The following FHIT variants were observed in gnomAD, a reference collection of about 807,000 sequenced individuals.
The protein encoded by FHIT is bis(5'-adenosyl)-triphosphatase.
FHIT carries 19 observed loss-of-function variants against 17.9 expected under a neutral mutation model. The ratio of observed to expected loss-of-function variants is 1.06; its 90% CI spans 0.74 to 1.56. The LOEUF (loss-of-function observed/expected upper bound fraction) is 1.56, where lower values mean the gene tolerates loss of function less well. FHIT is among the 40% of genes most tolerant of loss of function. The probability of loss-of-function intolerance (pLI) is 0.00; values close to 1 mark genes in which losing one functional copy is unlikely to be tolerated. For missense variants in FHIT, 248 were observed against 189.2 expected (o/e 1.31, Z -1.82); for synonymous variants, 81 against 69.7 (o/e 1.16, Z -0.81).
intron 4 of FHIT, among the ~76,000 whole-genome samples, chr3:60,760,167 T>C (rs1043216416): frequency 6.6e-6 from 1 of 152,174 alleles, no homozygotes; most frequent in Non-Finnish European, 1.5e-5. Flanking sequence ...CTCAGAATTG[T>C]CTAGTAGGGA....
At chr3:59,959,665 G>A (rs1707572343) in intron 7 of FHIT, among the ~76,000 whole-genome samples, 1 of 152,188 alleles carries the variant, frequency 6.6e-6, no homozygotes, top group Non-Finnish European at 1.5e-5. Flanking sequence ...TGGTACTGGG[G>A]CAGAGGTGAG....
intron 5 of FHIT, among the ~76,000 whole-genome samples, chr3:60,077,738 A>AGACG (rs1553677447): frequency 1.6e-5 from 2 of 122,516 alleles, no homozygotes; most frequent in African/African-American, 6.8e-5. Flanking sequence ...ACATATATAG[A>AGACG]GGGGGGGGGG....
At chr3:60,008,539 G>T (rs1027937902) in intron 7 of FHIT, among the ~76,000 whole-genome samples, 3 of 152,066 alleles carry the variant, frequency 2.0e-5, no homozygotes, top group African/African-American at 7.2e-5. Context: ...CTTCATTAAC[G>T]ATAACAACAG....
Position 61,218,728 on chromosome 3 carries a change from G to T in FHIT, c.-212-18063C>A, listed in dbSNP as rs1230455206. ...TTTGGCCTCACCGTAATCATATAGT[G>T]TCTTATGATAGGAACCCATGCTATT... On this transcript the variant is annotated intron_variant, in intron 1 of 9. Transcript: ENST00000492590. Among the ~76,000 whole-genome samples the T allele has an allele frequency of 2.6e-5, 4 of 152,238 alleles. No homozygotes were observed. The South Asian group carries it at 6.2e-4, about 24-fold the overall frequency.
At chr3:59,904,686 G>A (rs1319957337) in intron 8 of FHIT, among the ~76,000 whole-genome samples, 2 of 152,132 alleles carry the variant, frequency 1.3e-5, no homozygotes, top group African/African-American at 4.8e-5. Context: ...TGCCCAAGAA[G>A]AATGAGGATA....
At chr3:60,481,856 C>T (rs144504132) in intron 5 of FHIT, among the ~76,000 whole-genome samples, 3,002 of 152,152 alleles carry the variant, frequency 0.02, 39 homozygotes, top group Non-Finnish European at 0.029. Flanking sequence ...GGGTTAAATG[C>T]GCCAATTAAA....
At chr3:60,089,737 T>C (rs780896983) in intron 5 of FHIT, among the ~76,000 whole-genome samples, 25 of 152,324 alleles carry the variant, frequency 1.6e-4, no homozygotes, top group Admixed American at 7.8e-4. Context: ...TCCTAGCATC[T>C]TGTTTCTGAT....
chr3:60,497,709 C>T (rs2034356840), intron 5 of FHIT, among the ~76,000 whole-genome samples: 1 of 152,144 alleles, frequency 6.6e-6, no homozygotes, highest in Non-Finnish European at 1.5e-5. Flanking sequence ...AAAGCTAATT[C>T]CGTCCTTTCC....
chr3:60,940,994 T>C (rs1708385906), intron 3 of FHIT, among the ~76,000 whole-genome samples: 1 of 152,154 alleles, frequency 6.6e-6, no homozygotes, highest in Non-Finnish European at 1.5e-5. Flanking sequence ...ACATTAAAAA[T>C]GTAAAAAGAA....
intron 7 of FHIT, among the ~76,000 whole-genome samples, chr3:59,933,131 T>C (rs1706057253): frequency 6.6e-6 from 1 of 152,230 alleles, no homozygotes; most frequent in Admixed American, 6.5e-5. Context: ...CACCCACTAT[T>C]CTGAGGCTGT....
At position 60,508,411 on chromosome 3, in the gene FHIT, G is replaced by A. The variant is rs1412205920; in HGVS notation, c.103+28449C>T. Among the ~76,000 whole-genome samples, 6 of 152,104 alleles carry A rather than the reference G, an allele frequency of 3.9e-5. No homozygotes were observed. The East Asian group carries it at 7.7e-4, about 20-fold the overall frequency. ...TACTTGAAAATAACCCATAATGGTA[G>A]GTAATTTCAACTCCCTGCCACCACA... On this transcript the variant is annotated intron_variant, in intron 5 of 9. Transcript: ENST00000492590.
chr3:61,031,528 C>G (rs1318945398), intron 3 of FHIT, among the ~76,000 whole-genome samples: 1 of 152,134 alleles, frequency 6.6e-6, no homozygotes, highest in African/African-American at 2.4e-5. Flanking sequence ...TTTACCCCAA[C>G]TCATGTAAAT....
At chr3:60,244,120 C>T (rs1293894710) in intron 5 of FHIT, among the ~76,000 whole-genome samples, 1 of 152,042 alleles carries the variant, frequency 6.6e-6, no homozygotes, top group Non-Finnish European at 1.5e-5. Flanking sequence ...TTTCTGATCA[C>T]AGCAATTCTC....
At chr3:61,103,198 T>C (rs1312069372) in intron 2 of FHIT, among the ~76,000 whole-genome samples, 3 of 152,258 alleles carry the variant, frequency 2.0e-5, no homozygotes, top group African/African-American at 4.8e-5. Context: ...TTTAGTGCTA[T>C]AAATTTCACT....
At chr3:59,897,369 C>T (rs1704116901) in intron 8 of FHIT, among the ~76,000 whole-genome samples, 1 of 152,196 alleles carries the variant, frequency 6.6e-6, no homozygotes, top group Non-Finnish European at 1.5e-5. Context: ...ATGTCTCTTC[C>T]TCCAGAATCC....
chr3:60,472,150 T>A (rs1175704683), intron 5 of FHIT, among the ~76,000 whole-genome samples: 1 of 120,376 alleles, frequency 8.3e-6, no homozygotes, highest in Non-Finnish European at 1.6e-5. Flanking sequence ...TCAGTCTACT[T>A]TTTTGTTAAA....
chr3:60,050,830 C>G (rs1701842271), intron 5 of FHIT, among the ~76,000 whole-genome samples: 2 of 152,156 alleles, frequency 1.3e-5, no homozygotes, highest in African/African-American at 4.8e-5. Context: ...AAATACGCCC[C>G]TTAGCAAGTG....
At chr3:60,407,168 G>A (rs546231504) in intron 5 of FHIT, among the ~76,000 whole-genome samples, 25 of 132,384 alleles carry the variant, frequency 1.9e-4, no homozygotes, top group African/African-American at 6.6e-4. Context: ...TAAAAACACT[G>A]TAACACACTA....
At chr3:59,765,072 G>C (rs1701728041) in intron 8 of FHIT, among the ~76,000 whole-genome samples, 1 of 152,118 alleles carries the variant, frequency 6.6e-6, no homozygotes, top group East Asian at 1.9e-4. Context: ...AGATGTACTG[G>C]AGAAACAGCC....
Sources: allele counts gnomAD v4.1 joint callset (sites outside exome capture counted in the v4.1 genomes callset), GRCh38; gene constraint gnomAD v4.1.1; transcripts MANE v1.5; gene names NCBI Gene and HGNC (gene_info 2026-07-23, HGNC 2026-07-21).